PTBP3: variants seen among roughly 807,000 people sequenced by gnomAD.
The protein encoded by PTBP3 is polypyrimidine tract-binding protein 3.
A neutral mutation model predicts 58.7 loss-of-function variants in PTBP3; 20 were observed. That is an observed-to-expected ratio of 0.34 (90% CI 0.24 to 0.50). The LOEUF is 0.50. Ranked by LOEUF, PTBP3 falls within the 20% of genes least tolerant of loss-of-function variation. PTBP3 has a pLI of 0.98. For synonymous variants in PTBP3, 185 were observed against 219.8 expected (o/e 0.84, Z 1.40); for missense variants, 509 against 637.2 (o/e 0.80, Z 2.17).
the PTBP3 span, among the ~76,000 whole-genome samples, chr9:112,344,670 C>T: frequency 6.6e-6 from 1 of 152,120 alleles, no homozygotes; most frequent in African/African-American, 2.4e-5. Context: ...CCATTATTTG[C>T]AGCTGATATG....
chr9:112,251,363 G>A (rs747027809), intron 6 of PTBP3, among the ~76,000 whole-genome samples: 2 of 152,096 alleles, frequency 1.3e-5, no homozygotes, highest in African/African-American at 4.8e-5. Flanking sequence ...AATAAGAGAG[G>A]AGAAATGTAA....
At chr9:112,368,041 C>A in the PTBP3 span, among the ~76,000 whole-genome samples, 2 of 152,180 alleles carry the variant, frequency 1.3e-5, 1 homozygote, top group South Asian at 4.1e-4. Context: ...GTCACCCAGG[C>A]TGGAGTGCAG....
chr9:112,266,697 T>C (rs576379589), intron 4 of PTBP3, among the ~76,000 whole-genome samples: 1 of 152,286 alleles, frequency 6.6e-6, no homozygotes, highest in South Asian at 2.1e-4. Flanking sequence ...CCCATGTCCA[T>C]AACATTACAC....
intron 2 of PTBP3, among the ~76,000 whole-genome samples, chr9:112,289,715 G>A (rs985960447): frequency 1.3e-5 from 2 of 152,140 alleles, no homozygotes; most frequent in Non-Finnish European, 2.9e-5. Context: ...CTGGGAGGTC[G>A]AGGCTGTAGT....
At chr9:112,305,260 CTTTT>C (rs35187927) in intron 1 of PTBP3, among the ~76,000 whole-genome samples, 2 of 130,156 alleles carry the variant, frequency 1.5e-5, no homozygotes. Context: ...CCTGAAAGGA[CTTTT>C]TTTTTTTTTT....
chr9:112,269,090 AG>A (rs781511523), intron 3 of PTBP3, among the ~76,000 whole-genome samples: 47 of 151,638 alleles, frequency 3.1e-4, no homozygotes, highest in Non-Finnish European at 5.9e-4. Flanking sequence ...CCAGCTACTC[AG>A]GAGGCTAAGG....
At chr9:112,347,341 C>CTTTTT in the PTBP3 span, among the ~76,000 whole-genome samples, 12 of 130,900 alleles carry the variant, frequency 9.2e-5, no homozygotes, top group African/African-American at 3.3e-4. Context: ...ACTGGGATAC[C>CTTTTT]TTTTTTTTTT....
the PTBP3 span, among the ~76,000 whole-genome samples, chr9:112,367,086 C>T: frequency 2.0e-5 from 3 of 152,188 alleles, no homozygotes; most frequent in South Asian, 2.1e-4. Context: ...TTTAAGTTGA[C>T]ACTAGCTTAA....
In PTBP3 at chr9:112,290,707, T is replaced by TACACACACAAACACAC. The variant is rs55862558; in HGVS notation, c.34+7124_34+7125insGTGTGTTTGTGTGTGT. On this transcript the variant is annotated intron_variant, in intron 2 of 13. Coordinates refer to ENST00000374257, the MANE Select transcript of PTBP3 (RefSeq NM_001163788.4). ...AAAAAAATATATATATATATATATA[T>TACACACACAAACACAC]ACACACACACACACACACACACACA... Among the ~76,000 whole-genome samples, 4 of 110,956 alleles carry TACACACACAAACACAC rather than the reference T, an allele frequency of 3.6e-5. 1 individual carries two copies. In the East Asian group the frequency reaches 8.3e-4, roughly 23 times the overall value. 72.8% of individuals were successfully genotyped at this position (110,956 alleles called of 152,430 possible). A position where few individuals can be genotyped will look rare whatever the true frequency, so the allele number is the denominator to read the frequency against.
chr9:112,344,069 T>C, the PTBP3 span, among the ~76,000 whole-genome samples: 2 of 152,190 alleles, frequency 1.3e-5, no homozygotes, highest in African/African-American at 2.4e-5. Flanking sequence ...CTTTATGGTG[T>C]CTTCTGATAA....
At chr9:112,367,180 T>G in the PTBP3 span, among the ~76,000 whole-genome samples, 2 of 152,234 alleles carry the variant, frequency 1.3e-5, no homozygotes, top group African/African-American at 4.8e-5. Flanking sequence ...TGTCTATCCA[T>G]GACCAAATTA....
chr9:112,306,605 T>TATATATATATATA (rs746604981), intron 1 of PTBP3, among the ~76,000 whole-genome samples: 8 of 94,152 alleles, frequency 8.5e-5, no homozygotes, highest in Middle Eastern at 4.1e-3. Context: ...TATATATATA[T>TATATATATATATA]TTTTGTTTGT....
intron 5 of PTBP3, among the ~76,000 whole-genome samples, chr9:112,256,820 G>A (rs1836385641): frequency 6.6e-6 from 1 of 151,240 alleles, no homozygotes; most frequent in East Asian, 1.9e-4. Flanking sequence ...ACTGCACCCA[G>A]CTGGCAATAT....
Position 112,221,306 on chromosome 9 carries a change from T to C in PTBP3, c.*2545A>G. The C allele has an allele frequency of 1.0e-6, 1 of 985,680 alleles. No individual in the cohort carries two copies. The allele number at this position is 985,680 out of a possible 1,614,324, so 61.1% of individuals were successfully genotyped here. ...TCACACACACACACAAACACACCCCTACACAAATCCCTGAAAAGGATTCAA... is the reference window on the plus strand; with the variant it reads ...TCACACACACACACAAACACACCCCCACACAAATCCCTGAAAAGGATTCAA... On this transcript the variant is annotated 3_prime_UTR_variant, in exon 14 of 14. Transcript: ENST00000374257.
chr9:112,231,971 G>A (rs200324600), intron 9 of PTBP3, 128 bp downstream of exon 9: 27,736 of 312,466 alleles, frequency 0.089, 1,103 homozygotes, highest in African/African-American at 0.16. Context: ...AGAGAAGAGA[G>A]AAGAGAAGAG....
chr9:112,235,659 A>G (rs10759539), intron 7 of PTBP3, among the ~76,000 whole-genome samples: 150,848 of 152,292 alleles, frequency 0.99, 74,710 homozygotes, highest in Middle Eastern at 1. Context: ...AAATAAGGGC[A>G]CAAACTCAGA....
At chr9:112,300,988 C>CAATAAATA (rs57448585) in intron 1 of PTBP3, among the ~76,000 whole-genome samples, 26 of 151,294 alleles carry the variant, frequency 1.7e-4, no homozygotes, top group African/African-American at 5.8e-4. Context: ...GCACGAATGG[C>CAATAAATA]AATAAATAAA....
intron 3 of PTBP3, among the ~76,000 whole-genome samples, chr9:112,270,802 C>A (rs1827350930): frequency 6.6e-6 from 1 of 152,054 alleles, no homozygotes; most frequent in South Asian, 2.1e-4. Flanking sequence ...GTTCCCAGGG[C>A]TTAGGTTCCT....
the PTBP3 span, among the ~76,000 whole-genome samples, chr9:112,364,794 G>A: frequency 8.3e-4 from 126 of 152,328 alleles, no homozygotes; most frequent in Non-Finnish European, 1.6e-3. Flanking sequence ...TGCATTATCT[G>A]TGAAGTACAA....
Sources: allele counts gnomAD v4.1 joint callset (sites outside exome capture counted in the v4.1 genomes callset), GRCh38; gene constraint gnomAD v4.1.1; transcripts MANE v1.5; gene names NCBI Gene and HGNC (gene_info 2026-07-23, HGNC 2026-07-21).